Variants in RAD51 observed in about 807,000 individuals in gnomAD.
RAD51 encodes the protein RAD51 recombinase, also known as DNA repair protein RAD51 homolog 1.
Under a neutral mutation model 41.5 loss-of-function variants are expected in RAD51, and 14 were observed. That is an observed-to-expected ratio of 0.34 (90% CI 0.22 to 0.53). The LOEUF (loss-of-function observed/expected upper bound fraction) is 0.53. RAD51 is among the 20% of genes least tolerant of loss of function. The pLI is 0.95. For synonymous variants in RAD51, 136 were observed against 148.6 expected (o/e 0.92, Z 0.62); for missense variants, 234 against 422.0 (o/e 0.55, Z 3.90).
At chr15:40,728,955 C>T (rs1214772618) in intron 7 of RAD51, 131 bp downstream of exon 7, 1 of 801,418 alleles carries the variant, frequency 1.2e-6, no homozygotes, top group African/African-American at 1.7e-5. Flanking sequence ...CCTGTGTTGA[C>T]ACTCTTGCTT....
intron 6 of RAD51, among the ~76,000 whole-genome samples, chr15:40,721,531 C>T (rs1896271821): frequency 1.3e-5 from 2 of 152,006 alleles, no homozygotes; most frequent in Non-Finnish European, 2.9e-5. Context: ...TACAAATACA[C>T]GTGGTCTCGC....
chr15:40,699,835 T>C (rs1417458345), intron 2 of RAD51, among the ~76,000 whole-genome samples: 1 of 152,186 alleles, frequency 6.6e-6, no homozygotes, highest in Non-Finnish European at 1.5e-5. Flanking sequence ...GCCCATTGTA[T>C]AGAGACTGCC....
intron 7 of RAD51, 108 bp downstream of exon 7, chr15:40,728,932 T>G: frequency 1.0e-6 from 1 of 967,172 alleles, no homozygotes; most frequent in South Asian, 1.3e-5. Context: ...AATGAGGAGG[T>G]TTAAGTATAA....
chr15:40,707,062 C>T (rs1895390706), intron 4 of RAD51, among the ~76,000 whole-genome samples: 1 of 151,654 alleles, frequency 6.6e-6, no homozygotes, highest in African/African-American at 2.4e-5. Context: ...ATGGTCTCAG[C>T]TCACTGCAAC....
At chr15:40,702,399 T>C (rs560723173) in intron 3 of RAD51, among the ~76,000 whole-genome samples, 2 of 152,346 alleles carry the variant, frequency 1.3e-5, no homozygotes, top group South Asian at 4.1e-4. Context: ...AACACAACAA[T>C]GCAAACCTAG....
intron 6 of RAD51, among the ~76,000 whole-genome samples, chr15:40,727,347 C>T (rs999929489): frequency 1.3e-5 from 2 of 152,026 alleles, no homozygotes; most frequent in Non-Finnish European, 2.9e-5. Flanking sequence ...CTTGCTCTGT[C>T]ACCCAGGATG....
chr15:40,716,093 C>A (rs1009265285), intron 5 of RAD51, among the ~76,000 whole-genome samples: 1 of 152,184 alleles, frequency 6.6e-6, no homozygotes, highest in African/African-American at 2.4e-5. Context: ...TAACTGTATA[C>A]ACTAAAGTCA....
chr15:40,713,843 T>G (rs1165253127), intron 5 of RAD51, among the ~76,000 whole-genome samples: 1 of 151,998 alleles, frequency 6.6e-6, no homozygotes, highest in Non-Finnish European at 1.5e-5. Context: ...CCTGACCTTG[T>G]GATCCGCCCA....
rs1896910835 is a variant in RAD51, at chr15:40,732,315, T to C, written c.*1137T>C. The C allele has an allele frequency of 1.2e-5, 2 of 166,250 alleles. No homozygotes were observed. Among genetic ancestry groups the C allele is most frequent in the Middle Eastern group, 2.6e-3 (1 of 378 alleles). The allele number at this position is 166,250 out of a possible 1,614,324, so 10.3% of individuals were successfully genotyped here. On this transcript the variant is annotated 3_prime_UTR_variant, in exon 10 of 10. Coordinates refer to ENST00000267868, the MANE Select transcript of RAD51 (RefSeq NM_002875.5). ...GCAGATGATTGTGCTTAAAAGCTAA[T>C]GGAAAAATAAAAGAAAGACATACCA... is the stretch of plus-strand genomic sequence containing the variant.
intron 6 of RAD51, among the ~76,000 whole-genome samples, chr15:40,724,105 A>G (rs888395823): frequency 6.6e-6 from 1 of 152,208 alleles, no homozygotes; most frequent in East Asian, 1.9e-4. Flanking sequence ...TATTGAATGT[A>G]TACCACTGAA....
intron 4 of RAD51, 21 bp from the exon 5 acceptor site, chr15:40,709,004 T>C: frequency 6.3e-7 from 1 of 1,586,096 alleles, no homozygotes; most frequent in Non-Finnish European, 8.7e-7. Context: ...TGCTAAGAGT[T>C]ATTTCTTATC....
At chr15:40,713,893 A>C (rs1595999993) in intron 5 of RAD51, among the ~76,000 whole-genome samples, 3 of 151,896 alleles carry the variant, frequency 2.0e-5, no homozygotes, top group African/African-American at 7.3e-5. Context: ...GGTGTGAGCC[A>C]CCGTGCCTGG....
chr15:40,731,328 G>T lies in RAD51; in HGVS notation c.*150G>T. 1 of 999,780 alleles carries T rather than the reference G, an allele frequency of 1.0e-6. No homozygotes were observed. Among genetic ancestry groups the T allele is most frequent in the Non-Finnish European group, 1.5e-6 (1 of 659,990 alleles). 61.9% of individuals were successfully genotyped at this position (999,780 alleles called of 1,614,324 possible). A position where few individuals can be genotyped will look rare whatever the true frequency, so the allele number is the denominator to read the frequency against. ...AGCTATTATATCAGCTTTTCTGATG[G>T]TATAAACAGGAGACAGGTCAGTAGT... On this transcript the variant is annotated 3_prime_UTR_variant, in exon 10 of 10. Coordinates refer to ENST00000267868, the MANE Select transcript of RAD51 (RefSeq NM_002875.5).
chr15:40,696,031 C>G (rs573541548), intron 1 of RAD51, among the ~76,000 whole-genome samples: 1 of 152,046 alleles, frequency 6.6e-6, no homozygotes, highest in Admixed American at 6.6e-5. Flanking sequence ...CCCACCACCA[C>G]GCCGCCAGGC....
chr15:40,731,240 T>C lies in RAD51; in HGVS notation c.*62T>C. ...CTGCAGCCTAATGAGAGTGCACTGC[T>C]CCCTGGGGTTCTCTACAGGCCTCTT... On this transcript the variant is annotated 3_prime_UTR_variant, in exon 10 of 10. Coordinates refer to ENST00000267868, the MANE Select transcript of RAD51 (RefSeq NM_002875.5). 1.2e-6 allele frequency: 2 copies of C among 1,606,124 alleles called. No homozygotes were observed. The highest frequency in any genetic ancestry group is 1.7e-6 in the Non-Finnish European group (2 of 1,173,442).
chr15:40,725,001 G>A (rs1402273717), intron 6 of RAD51, among the ~76,000 whole-genome samples: 11 of 147,046 alleles, frequency 7.5e-5, no homozygotes, highest in African/African-American at 2.3e-4. Flanking sequence ...CCGGGTCCAC[G>A]CCATTCTCCT....
At chr15:40,728,455 GAA>G (rs34910367) in intron 6 of RAD51, among the ~76,000 whole-genome samples, 6 of 144,584 alleles carry the variant, frequency 4.1e-5, no homozygotes, top group South Asian at 2.2e-4. Context: ...CCGTCTCAAA[GAA>G]AAAAAAAAAA....
chr15:40,712,077 C>CAAAA (rs57056143), intron 5 of RAD51, among the ~76,000 whole-genome samples: 1 of 107,330 alleles, frequency 9.3e-6, no homozygotes, highest in Non-Finnish European at 2.2e-5. Flanking sequence ...GTCTCCATCT[C>CAAAA]AAAAAAAAAA....
At chr15:40,730,802 G>A (rs904606881) in intron 9 of RAD51, among the ~76,000 whole-genome samples, 17 of 151,760 alleles carry the variant, frequency 1.1e-4, no homozygotes, top group Admixed American at 2.6e-4. Context: ...GATTACAGGC[G>A]TGAGCCACCA....
Sources: allele counts gnomAD v4.1 joint callset (sites outside exome capture counted in the v4.1 genomes callset), GRCh38; gene constraint gnomAD v4.1.1; transcripts MANE v1.5; gene names NCBI Gene and HGNC (gene_info 2026-07-23, HGNC 2026-07-21).